NOL9: variants seen among roughly 807,000 people sequenced by gnomAD.
The protein encoded by NOL9 is nucleolar protein 9, also known as polynucleotide 5'-hydroxyl-kinase NOL9.
A neutral mutation model predicts 67.9 loss-of-function variants in NOL9; 28 were observed. That is an observed-to-expected ratio of 0.41 (90% CI 0.31 to 0.57). The LOEUF is 0.57. NOL9 is among the 20% of genes least tolerant of loss of function. The pLI is 0.25. For missense variants in NOL9, 777 were observed against 897.0 expected (o/e 0.87, Z 1.71); for synonymous variants, 356 against 352.2 (o/e 1.01, Z -0.12).
chr1:6,546,109 A>G (rs1639417387), intron 3 of NOL9, among the ~76,000 whole-genome samples: 1 of 152,150 alleles, frequency 6.6e-6, no homozygotes, highest in Non-Finnish European at 1.5e-5. Context: ...ACAAAATTAG[A>G]TAATCAAGTT....
intron 6 of NOL9, among the ~76,000 whole-genome samples, chr1:6,538,232 G>A (rs1053490715): frequency 2.0e-5 from 3 of 152,002 alleles, no homozygotes; most frequent in African/African-American, 7.2e-5. Flanking sequence ...GTGCATCAAA[G>A]GTTATTGTCA....
In NOL9 at chr1:6,539,589, A is replaced by G. The variant is rs530372396; in HGVS notation, c.1075+2241T>C. Reference sequence around the variant, plus strand: ...AGCCTCTACCTCCCAGGTTCAAGTGATCCTCCTGCCTCAGACTCCCAAATA... The same window carrying G: ...AGCCTCTACCTCCCAGGTTCAAGTGGTCCTCCTGCCTCAGACTCCCAAATA... On this transcript the variant is annotated intron_variant, in intron 6 of 11. Transcript: ENST00000377705. Among the ~76,000 whole-genome samples the G allele has an allele frequency of 2.9e-4, 44 of 152,222 alleles. No individual in the cohort carries two copies. In the East Asian group the frequency reaches 8.3e-3, roughly 29 times the overall value.
intron 6 of NOL9, among the ~76,000 whole-genome samples, chr1:6,537,785 A>G (rs1415021824): frequency 6.6e-6 from 1 of 152,126 alleles, no homozygotes; most frequent in Non-Finnish European, 1.5e-5. Flanking sequence ...TCCTTACACT[A>G]TATGAAAATA....
intron 9 of NOL9, among the ~76,000 whole-genome samples, chr1:6,531,244 C>T (rs1639021234): frequency 6.6e-6 from 1 of 151,790 alleles, no homozygotes; most frequent in Admixed American, 6.6e-5. Context: ...GTCGGCATCT[C>T]GCTCTGTCAC....
Position 6,525,834 on chromosome 1 carries a change from C to T in NOL9, c.*20G>A, listed in dbSNP as rs376823746. ...AGCTTTCTGGTAGGAAAGTTTCTTCCCTTATTAAAAACGCGAGCATCACTT... is the reference window on the plus strand; with the variant it reads ...AGCTTTCTGGTAGGAAAGTTTCTTCTCTTATTAAAAACGCGAGCATCACTT... On this transcript the variant is annotated 3_prime_UTR_variant, in exon 12 of 12. Transcript: ENST00000377705. 5 of 1,613,028 alleles carry T rather than the reference C, an allele frequency of 3.1e-6. No individual in the cohort carries two copies. The highest frequency in any genetic ancestry group is 4.2e-6 in the Non-Finnish European group (5 of 1,179,516).
intron 3 of NOL9, among the ~76,000 whole-genome samples, chr1:6,547,489 C>T (rs1341165640): frequency 2.2e-5 from 3 of 137,948 alleles, no homozygotes; most frequent in Non-Finnish European, 3.1e-5. Context: ...CCATGGGAGA[C>T]AATTATAGTA....
intron 3 of NOL9, 36 bp downstream of exon 3, chr1:6,549,535 G>C (rs751400761): frequency 2.2e-5 from 35 of 1,608,288 alleles, no homozygotes; most frequent in Admixed American, 2.0e-4. Flanking sequence ...TTTGGTGCAA[G>C]TAATTAGCAA....
chr1:6,543,225 T>C (rs1321551998), intron 5 of NOL9, among the ~76,000 whole-genome samples: 4 of 150,632 alleles, frequency 2.7e-5, no homozygotes, highest in Admixed American at 2.0e-4. Flanking sequence ...AGACAGAGTC[T>C]TGCTCTGTCG....
chr1:6,532,837 G>A (rs1428495919), intron 7 of NOL9, 77 bp from the exon 8 acceptor site: 16 of 1,294,836 alleles, frequency 1.2e-5, no homozygotes, highest in East Asian at 2.4e-5. Flanking sequence ...ATGCTCCTAC[G>A]ACAAATGGAT....
At position 6,532,504 on chromosome 1, in the gene NOL9, A is replaced by C; in HGVS notation, c.1494T>G (p.Gly498=). The C allele has an allele frequency of 6.2e-7, 1 of 1,614,104 alleles. No homozygotes were observed. Among genetic ancestry groups the C allele is most frequent in the South Asian group, 1.1e-5 (1 of 91,080 alleles). The change falls in exon 8 of 12, where the codon GGT becomes GGG. Residue 498 remains glycine (G), a synonymous_variant. Transcript: ENST00000377705. The part of the protein sequence containing the change: ...PVEFTGHKLI[G]VYTDFAFRIT... ...TTCTGAATGCAAAGTCTGTATAAAC[A>C]CCTATCAGTTTATGTCCAGTGAACT... is the stretch of plus-strand genomic sequence containing the variant.
chr1:6,552,225 C>T (rs1015543683), intron 1 of NOL9, among the ~76,000 whole-genome samples: 9 of 152,062 alleles, frequency 5.9e-5, no homozygotes, highest in Non-Finnish European at 1.2e-4. Context: ...AGCAAACCAC[C>T]AAGGCACCCA....
intron 6 of NOL9, among the ~76,000 whole-genome samples, chr1:6,541,547 T>C (rs4908915): frequency 0.82 from 124,388 of 152,176 alleles, 51,492 homozygotes; most frequent in Non-Finnish European, 0.87. Flanking sequence ...ATGTTGAAAT[T>C]AGGGAAACAT....
intron 11 of NOL9, 60 bp from the exon 12 acceptor site, chr1:6,526,063 C>T: frequency 6.8e-7 from 1 of 1,475,068 alleles, no homozygotes; most frequent in Non-Finnish European, 9.5e-7. Flanking sequence ...GAGGGGTTTA[C>T]AGTGCTCTCT....
In NOL9 at chr1:6,550,468, A is replaced by G; in HGVS notation, c.544T>C (p.Ser182Pro). Reference protein sequence around the residue: ...SCLSIHALHYSQPEKSKKELK... With the variant: ...SCLSIHALHYPQPEKSKKELK... The stretch of plus-strand genomic sequence containing the variant: ...TCCTTCTTGCTTTTCTCAGGCTGTG[A>G]GTAGTGAAGTGCATGGATACTCAAG... The change falls in exon 2 of 12, where the codon TCA (serine) becomes CCA (proline). Residue 182 changes from serine to proline, a missense_variant. This residue lies in a region of NOL9 where 364 missense variants were observed against 344.4 expected (regional missense o/e 1.06). Transcript: ENST00000377705. The G allele has an allele frequency of 1.2e-6, 2 of 1,614,082 alleles. No homozygotes were observed. The highest frequency in any genetic ancestry group is 1.7e-6 in the Non-Finnish European group (2 of 1,180,018).
intron 9 of NOL9, 91 bp downstream of exon 9, chr1:6,531,877 T>C (rs932112): frequency 0.85 from 757,374 of 890,902 alleles, 323,772 homozygotes; most frequent in Admixed American, 0.9. Context: ...GAGCGAGGAG[T>C]TATGTAGTGG....
In NOL9 at chr1:6,545,154, T is replaced by A. The variant is rs750580037; in HGVS notation, c.771A>T (p.Glu257Asp). Residue 257 changes from glutamate to aspartate, a missense_variant, in exon 4 of 12, where the codon GAA becomes GAT. Coordinates refer to ENST00000377705, the MANE Select transcript of NOL9 (RefSeq NM_024654.5). The part of the protein sequence containing the change: ...QESPTPQIKP[E>D]YLALRSVGIR... ...TGCCAACAGACCTCAAGGCTAAATA[T>A]TCAGGTTTAATCTGGGGAGTTGGAC... The A allele has an allele frequency of 1.2e-6, 2 of 1,614,014 alleles. No individual in the cohort carries two copies. Among genetic ancestry groups the A allele is most frequent in the Non-Finnish European group, 1.7e-6 (2 of 1,179,978 alleles).
intron 5 of NOL9, among the ~76,000 whole-genome samples, chr1:6,544,135 T>C (rs1639362234): frequency 6.6e-6 from 1 of 151,274 alleles, no homozygotes; most frequent in Non-Finnish European, 1.5e-5. Context: ...AACAAACAAC[T>C]AGCCAGGTGT....
rs1196265058 is a variant in NOL9, at chr1:6,532,747, C to T, written c.1251G>A (p.Leu417=). The change falls in exon 8 of 12, where the codon CTG becomes CTA. Residue 417 remains leucine (L), a synonymous_variant. Transcript: ENST00000377705. Reference sequence around the variant, plus strand: ...GCAATCGGATCAGATCAATGAGAAGCAGGAGCCCCTGGTCTGTGGGGAAGA... The same window carrying T: ...GCAATCGGATCAGATCAATGAGAAGTAGGAGCCCCTGGTCTGTGGGGAAGA... ...TMGWVSDQGL[L]LLIDLIRLLS... The T allele has an allele frequency of 2.5e-6, 4 of 1,612,120 alleles. No individual in the cohort carries two copies. The Admixed American group carries it at 6.7e-5, about 27-fold the overall frequency.
intron 6 of NOL9, among the ~76,000 whole-genome samples, chr1:6,539,880 C>G (rs969434498): frequency 6.6e-6 from 1 of 152,204 alleles, no homozygotes; most frequent in African/African-American, 2.4e-5. Flanking sequence ...TTGTGTGACT[C>G]CACTTACATG....
Sources: gnomAD v4.1 joint callset for allele counts (sites outside exome capture counted in the v4.1 genomes callset) on GRCh38, gnomAD v4.1.1 for gene constraint, gnomAD v4.1.1 regional missense constraint, MANE v1.5 for transcripts, NCBI Gene and HGNC (gene_info 2026-07-23, HGNC 2026-07-21) for gene names.